The following UGT2A2 variants were observed in gnomAD, a reference collection of about 807,000 sequenced individuals.
The protein encoded by UGT2A2 is UDP glucuronosyltransferase family 2 member A2, also known as UDP-glucuronosyltransferase 2A2.
UGT2A2 carries 60 observed loss-of-function variants against 50.7 expected under a neutral mutation model. The ratio of observed to expected loss-of-function variants is 1.18; its 90% confidence interval spans 0.96 to 1.47. The LOEUF is 1.47. UGT2A2 is among the 40% of genes most tolerant of loss of function. The pLI is 0.00. For synonymous variants in UGT2A2, 242 were observed against 214.6 expected (o/e 1.13, Z -1.11); for missense variants, 762 against 634.0 (o/e 1.20, Z -2.17).
In UGT2A2 at chr4:69,595,235, G is replaced by C. The variant is rs76000453; in HGVS notation, c.1038C>G (p.Tyr346Ter). The change falls in exon 4 of 6, where the codon TAC becomes TAG. Residue 346 changes from tyrosine (Y) to a stop codon, truncating the protein, a stop_gained. Coordinates refer to ENST00000604629, the MANE Select transcript of UGT2A2 (RefSeq NM_001105677.2). LOFTEE classifies it high-confidence loss of function. ...CTAATGTGGCTGGTTTCTTTCCTTT[G>C]TATCTCCATAAAACCTGTGGAAAAT... is the stretch of plus-strand genomic sequence containing the variant. Reference protein sequence around the residue: ...AQIPQKVLWRYKGKKPATLGN... With the variant: ...AQIPQKVLWR The C allele has an allele frequency of 3.7e-6, 6 of 1,613,588 alleles. No homozygotes were observed. Among genetic ancestry groups the C allele is most frequent in the Non-Finnish European group, 5.1e-6 (6 of 1,179,804 alleles).
In UGT2A2 at chr4:69,589,536, G is replaced by A; in HGVS notation, c.1447C>T (p.Leu483Phe). Residue 483 changes from leucine to phenylalanine, a missense_variant, in exon 6 of 6, where the codon CTT becomes TTT. By Grantham distance (22) the Leu-to-Phe change is conservative. Coordinates refer to ENST00000604629, the MANE Select transcript of UGT2A2 (RefSeq NM_001105677.2). ...FVMRHKGAKH[L>F]RVAAHDLTWF... ...GTGAGGTCATGGGCTGCAACCCGAA[G>A]GTGCTTGGCTCCTTTGTGGCGCATG... 1 of 1,614,076 alleles carries A rather than the reference G, an allele frequency of 6.2e-7. No homozygotes were observed. Among genetic ancestry groups the A allele is most frequent in the Non-Finnish European group, 8.5e-7 (1 of 1,179,986 alleles).
intron 1 of UGT2A2, among the ~76,000 whole-genome samples, chr4:69,605,024 A>G (rs1205234189): frequency 7.3e-6 from 1 of 136,062 alleles, no homozygotes; most frequent in Admixed American, 7.3e-5. Context: ...AGACAGAAAG[A>G]TAACAAGTAT....
chr4:69,627,397 T>C (rs986156939), intron 1 of UGT2A2, among the ~76,000 whole-genome samples: 1 of 151,718 alleles, frequency 6.6e-6, no homozygotes, highest in Non-Finnish European at 1.5e-5. Context: ...ATTCATATGA[T>C]TTTATGCATA....
chr4:69,592,153 A>G (rs1718630732), intron 5 of UGT2A2, among the ~76,000 whole-genome samples: 1 of 152,154 alleles, frequency 6.6e-6, no homozygotes, highest in Admixed American at 6.6e-5. Flanking sequence ...TAAGCAGGTT[A>G]CTTCCGTTAA....
chr4:69,635,095 A>T (rs1353557390), intron 1 of UGT2A2, among the ~76,000 whole-genome samples: 1 of 152,136 alleles, frequency 6.6e-6, no homozygotes, highest in East Asian at 1.9e-4. Flanking sequence ...ATATACTACT[A>T]TGTACCCACA....
chr4:69,593,387 C>T (rs1196824796), intron 5 of UGT2A2, among the ~76,000 whole-genome samples: 2 of 151,822 alleles, frequency 1.3e-5, no homozygotes, highest in Non-Finnish European at 2.9e-5. Flanking sequence ...AATAGAGATA[C>T]ATTTCAAAGC....
intron 1 of UGT2A2, among the ~76,000 whole-genome samples, chr4:69,621,376 C>T (rs771511654): frequency 5.3e-5 from 8 of 151,876 alleles, no homozygotes; most frequent in Non-Finnish European, 1.2e-4. Flanking sequence ...TACATGCAAC[C>T]ATCAAGTATA....
At chr4:69,619,706 T>C (rs1720630455) in intron 1 of UGT2A2, among the ~76,000 whole-genome samples, 1 of 151,778 alleles carries the variant, frequency 6.6e-6, no homozygotes, top group Admixed American at 6.6e-5. Context: ...AAAAATAAAA[T>C]AAAATTCAGG....
intron 1 of UGT2A2, among the ~76,000 whole-genome samples, chr4:69,616,274 A>G (rs1031451120): frequency 6.6e-6 from 1 of 151,942 alleles, no homozygotes; most frequent in Non-Finnish European, 1.5e-5. Flanking sequence ...CATGATTAAT[A>G]GCTACAAAAA....
At chr4:69,624,582 TG>T (rs1479452266) in intron 1 of UGT2A2, among the ~76,000 whole-genome samples, 2 of 151,424 alleles carry the variant, frequency 1.3e-5, no homozygotes, top group Non-Finnish European at 3.0e-5. Context: ...ACACATTTTA[TG>T]ATCCTAGTTG....
intron 2 of UGT2A2, among the ~76,000 whole-genome samples, chr4:69,597,470 T>C (rs993407570): frequency 6.6e-6 from 1 of 152,200 alleles, no homozygotes; most frequent in Admixed American, 6.5e-5. Context: ...ACATCATATC[T>C]ATATGAATGC....
At chr4:69,623,207 G>A (rs942438842) in intron 1 of UGT2A2, among the ~76,000 whole-genome samples, 7 of 151,820 alleles carry the variant, frequency 4.6e-5, no homozygotes, top group Middle Eastern at 3.4e-3. Flanking sequence ...AATGAAAATC[G>A]TAGTAATTGT....
chr4:69,602,869 C>A (rs1336085167), intron 1 of UGT2A2, among the ~76,000 whole-genome samples: 1 of 134,396 alleles, frequency 7.4e-6, no homozygotes, highest in East Asian at 2.1e-4. Flanking sequence ...AGTTCAAGAC[C>A]AGTGTGGCCA....
rs146749264 is a variant in UGT2A2 at position 69,594,611 on chromosome 4, T to A, written c.1197A>T (p.Gly399=). 2.7e-3 allele frequency: 4,413 copies of A among 1,614,116 alleles called. 8 individuals carry two copies. Among genetic ancestry groups the A allele is most frequent in the Non-Finnish European group, 3.4e-3 (4,028 of 1,180,026 alleles). ...EAIYHGVPMV[G]VPMFADQPDN... ...CAGGCTGATCAGCAAACATGGGAACTCCCACCATAGGGACTCCGTGGTAAA... is the reference window on the plus strand; with the variant it reads ...CAGGCTGATCAGCAAACATGGGAACACCCACCATAGGGACTCCGTGGTAAA... Residue 399 remains glycine (G), a synonymous_variant, in exon 5 of 6, where the codon GGA becomes GGT. Coordinates refer to ENST00000604629, the MANE Select transcript of UGT2A2 (RefSeq NM_001105677.2).
rs759664072 is a variant in UGT2A2 at position 69,594,614 on chromosome 4, CA to C, written c.1193del (p.Val398GlyfsTer16). ...GCTGATCAGCAAACATGGGAACTCC[CA>C]CCATAGGGACTCCGTGGTAAATAGC... is the stretch of plus-strand genomic sequence containing the variant. The part of the protein sequence containing the change: ...YEAIYHGVPM[V>X]GVPMFADQPD... On this transcript the variant is annotated frameshift_variant, in exon 5 of 6. Coordinates refer to ENST00000604629, the MANE Select transcript of UGT2A2 (RefSeq NM_001105677.2). LOFTEE classifies it high-confidence loss of function. 5 of 1,613,986 alleles carry C rather than the reference CA, an allele frequency of 3.1e-6. No homozygotes were observed. The East Asian group carries it at 1.1e-4, about 36-fold the overall frequency.
chr4:69,593,410 A>G (rs931333049), intron 5 of UGT2A2, among the ~76,000 whole-genome samples: 1 of 151,984 alleles, frequency 6.6e-6, no homozygotes, highest in Non-Finnish European at 1.5e-5. Flanking sequence ...GAGTTCAACT[A>G]TAAGTAGCTA....
At chr4:69,625,453 G>T (rs980401414) in intron 1 of UGT2A2, among the ~76,000 whole-genome samples, 7 of 150,982 alleles carry the variant, frequency 4.6e-5, no homozygotes, top group African/African-American at 1.7e-4. Flanking sequence ...GAAGGGAGAA[G>T]TGATTATTTC....
At chr4:69,605,788 T>C (rs550322414) in intron 1 of UGT2A2, among the ~76,000 whole-genome samples, 1 of 136,738 alleles carries the variant, frequency 7.3e-6, no homozygotes, top group Non-Finnish European at 1.6e-5. Flanking sequence ...GAGAATACTA[T>C]AAACACCTCT....
In UGT2A2 at chr4:69,589,590, C is replaced by G. The variant is rs149562826; in HGVS notation, c.1393G>C (p.Asp465His). 7 of 1,613,854 alleles carry G rather than the reference C, an allele frequency of 4.3e-6. No individual in the cohort carries two copies. In the African/African-American group the frequency reaches 9.3e-5, roughly 22 times the overall value. ...IHHDQPVKPLDRAVFWIEFVM... is the reference protein window; with the variant it reads ...IHHDQPVKPLHRAVFWIEFVM... ...AACTCGATCCAGAAGACTGCTCGAT[C>G]CAGGGGCTTTACAGGTTGATCATGG... The change falls in exon 6 of 6, where the codon GAT (aspartate) becomes CAT (histidine). Residue 465 changes from aspartate to histidine, a missense_variant. Coordinates refer to ENST00000604629, the MANE Select transcript of UGT2A2 (RefSeq NM_001105677.2).
Sources: gnomAD v4.1 joint callset for allele counts (sites outside exome capture counted in the v4.1 genomes callset) on GRCh38, gnomAD v4.1.1 for gene constraint, MANE v1.5 for transcripts, NCBI Gene and HGNC (gene_info 2026-07-23, HGNC 2026-07-21) for gene names.